GPHN: variants seen among roughly 807,000 people sequenced by gnomAD.
GPHN encodes gephyrin.
In GPHN, 17 loss-of-function variants were observed where a neutral mutation model predicts 95.5. The ratio of observed to expected loss-of-function variants is 0.18; its 90% CI spans 0.12 to 0.27. The LOEUF is 0.27. GPHN is among the 10% of genes least tolerant of loss of function. The pLI is 1.00. For missense variants in GPHN, 660 were observed against 978.1 expected (o/e 0.67, Z 4.34); for synonymous variants, 320 against 322.5 (o/e 0.99, Z 0.08).
At chr14:67,187,577 A>G in the GPHN span, among the ~76,000 whole-genome samples, 1 of 152,214 alleles carries the variant, frequency 6.6e-6, no homozygotes, top group African/African-American at 2.4e-5. Context: ...CTCTCCATGT[A>G]ACACTCTTTA....
chr14:67,224,625 A>ATTT, the GPHN span: 2 of 270,590 alleles, frequency 7.4e-6, no homozygotes, highest in South Asian at 3.3e-5. Context: ...TAACTTTTAA[A>ATTT]TTTTTTTTTT....
At chr14:66,641,833 T>C (rs7159473) in intron 1 of GPHN, among the ~76,000 whole-genome samples, 47,764 of 152,042 alleles carry the variant, frequency 0.31, 11,516 homozygotes, top group African/African-American at 0.65. Flanking sequence ...TATAAAGATT[T>C]AGTGCAATTA....
the GPHN span, among the ~76,000 whole-genome samples, chr14:67,584,954 T>C: frequency 6.6e-6 from 1 of 152,214 alleles, no homozygotes; most frequent in Non-Finnish European, 1.5e-5. Flanking sequence ...AGGTGGCATG[T>C]CCAATGTCTA....
chr14:66,985,247 G>C (rs1311343241), intron 9 of GPHN, among the ~76,000 whole-genome samples: 2 of 152,078 alleles, frequency 1.3e-5, no homozygotes, highest in East Asian at 3.9e-4. Flanking sequence ...TGTCAGGACT[G>C]ATCTTTCCAC....
the GPHN span, chr14:67,224,039 A>T: frequency 3.2e-6 from 3 of 936,320 alleles, no homozygotes; most frequent in Non-Finnish European, 3.8e-6. Flanking sequence ...AGCTCATCTG[A>T]TTCACATTCA....
At chr14:66,719,051 C>A (rs1318219187) in intron 2 of GPHN, among the ~76,000 whole-genome samples, 1 of 152,212 alleles carries the variant, frequency 6.6e-6, no homozygotes, top group Non-Finnish European at 1.5e-5. Context: ...TCTCTCCCAC[C>A]ATGCCCCTGC....
chr14:67,091,318 G>C (rs775712703), intron 12 of GPHN, among the ~76,000 whole-genome samples: 2 of 151,372 alleles, frequency 1.3e-5, no homozygotes, highest in Non-Finnish European at 2.9e-5. Context: ...GTGTTGATTA[G>C]AATAAATATT....
the GPHN span, among the ~76,000 whole-genome samples, chr14:67,723,753 T>C: frequency 5.9e-5 from 9 of 152,222 alleles, no homozygotes; most frequent in Non-Finnish European, 1.3e-4. Flanking sequence ...AGACTAGTAA[T>C]TGGCAGTCAG....
At chr14:67,703,243 A>G in the GPHN span, among the ~76,000 whole-genome samples, 5 of 152,212 alleles carry the variant, frequency 3.3e-5, no homozygotes, top group Non-Finnish European at 1.5e-5. Context: ...ACATGGCTAA[A>G]TTTTATTTGT....
At chr14:67,220,446 A>AG in the GPHN span, among the ~76,000 whole-genome samples, 1 of 139,052 alleles carries the variant, frequency 7.2e-6, no homozygotes, top group African/African-American at 2.6e-5. Flanking sequence ...TTTCTCAGGA[A>AG]AAAAAAAAAA....
At chr14:67,366,477 A>T in the GPHN span, among the ~76,000 whole-genome samples, 1 of 152,262 alleles carries the variant, frequency 6.6e-6, no homozygotes, top group Admixed American at 6.5e-5. Flanking sequence ...TACAGTAGAT[A>T]CATGTAAAGA....
intron 17 of GPHN, among the ~76,000 whole-genome samples, chr14:67,128,260 C>CTTTTTT (rs763164125): frequency 6.4e-4 from 92 of 144,722 alleles, no homozygotes; most frequent in African/African-American, 2.2e-3. Context: ...CCTATTTCTA[C>CTTTTTT]TTTTTTTTTT....
the GPHN span, among the ~76,000 whole-genome samples, chr14:67,435,446 T>C: frequency 1.3e-5 from 2 of 152,258 alleles, no homozygotes; most frequent in African/African-American, 4.8e-5. Flanking sequence ...AACATGAATT[T>C]TGGAGGGGAC....
the GPHN span, among the ~76,000 whole-genome samples, chr14:67,306,513 TTGTGTGTGTG>T: frequency 1.4e-5 from 2 of 147,430 alleles, no homozygotes; most frequent in Admixed American, 6.8e-5. Flanking sequence ...CTGGCTGAAT[TTGTGTGTGTG>T]TGTGTGTGTG....
chr14:67,395,303 T>C, the GPHN span: 1 of 1,013,926 alleles, frequency 9.9e-7, no homozygotes, highest in Non-Finnish European at 1.5e-6. Context: ...CCAGCCAGAC[T>C]GTGCAGCAAG....
At chr14:66,758,286 G>A (rs1566911962) in intron 2 of GPHN, among the ~76,000 whole-genome samples, 1 of 152,094 alleles carries the variant, frequency 6.6e-6, no homozygotes, top group Admixed American at 6.5e-5. Flanking sequence ...GATTTCACAG[G>A]GGACCCACCC....
At chr14:67,620,061 G>C in the GPHN span, 1 of 1,610,922 alleles carries the variant, frequency 6.2e-7, no homozygotes, top group South Asian at 1.1e-5. Context: ...CCGTGGCTGT[G>C]ATAGGAGCCC....
At chr14:66,551,250 A>G (rs1190852768) in intron 1 of GPHN, 1 of 152,212 alleles carries the variant, frequency 6.6e-6, no homozygotes, top group Admixed American at 6.5e-5. Context: ...GTATAAACAA[A>G]CATTTATATG....
chr14:67,388,049 G>T, the GPHN span, among the ~76,000 whole-genome samples: 1 of 152,132 alleles, frequency 6.6e-6, no homozygotes, highest in Non-Finnish European at 1.5e-5. Context: ...TTCTTAAAAC[G>T]CCAAGAACAT....
Sources: allele counts gnomAD v4.1 joint callset (sites outside exome capture counted in the v4.1 genomes callset), GRCh38; gene constraint gnomAD v4.1.1; transcripts MANE v1.5; gene names NCBI Gene and HGNC (gene_info 2026-07-23, HGNC 2026-07-21).